The following LRCH1 variants were observed in gnomAD, a reference collection of about 807,000 sequenced individuals.
LRCH1 encodes leucine rich repeats and calponin homology domain containing 1, also known as leucine-rich repeat and calponin homology domain-containing protein 1.
In LRCH1, 23 loss-of-function variants were observed where a neutral mutation model predicts 94.9. The ratio of observed to expected loss-of-function variants is 0.24; its 90% confidence interval spans 0.17 to 0.34. LRCH1 has a LOEUF of 0.34. Among genes scored for constraint, LRCH1 ranks in the 10% least tolerant of loss-of-function variants. The pLI, the probability that LRCH1 is intolerant of heterozygous loss-of-function variation, is 1.00. For synonymous variants in LRCH1, 364 were observed against 354.9 expected (o/e 1.03, Z -0.29); for missense variants, 790 against 945.9 (o/e 0.84, Z 2.16).
intron 16 of LRCH1, among the ~76,000 whole-genome samples, chr13:46,720,335 C>T (rs1379531181): frequency 6.6e-6 from 1 of 152,072 alleles, no homozygotes; most frequent in African/African-American, 2.4e-5. Context: ...TGCAGCGAGC[C>T]GAGATCGCAC....
At chr13:46,705,381 A>G in intron 13 of LRCH1, 77 bp downstream of exon 13, 1 of 1,255,850 alleles carries the variant, frequency 8.0e-7, no homozygotes, top group South Asian at 1.2e-5. Context: ...TTCTGTAAAG[A>G]TTTGTCAGGG....
At chr13:46,720,944 T>C (rs1423167544) in intron 16 of LRCH1, among the ~76,000 whole-genome samples, 1 of 152,242 alleles carries the variant, frequency 6.6e-6, no homozygotes, top group Non-Finnish European at 1.5e-5. Flanking sequence ...TATGTATTTC[T>C]GATAATTTTA....
intron 1 of LRCH1, among the ~76,000 whole-genome samples, chr13:46,554,863 C>CCCTG (rs2050046758): frequency 6.6e-6 from 1 of 152,190 alleles, no homozygotes; most frequent in Non-Finnish European, 1.5e-5. Flanking sequence ...CGCCTCATGG[C>CCCTG]CCAGGGTCAG....
intron 2 of LRCH1, among the ~76,000 whole-genome samples, chr13:46,652,428 A>G (rs1387325720): frequency 2.0e-5 from 3 of 147,582 alleles, no homozygotes; most frequent in African/African-American, 7.5e-5. Flanking sequence ...AAAAAATCCT[A>G]GCAGGTTTTT....
intron 2 of LRCH1, among the ~76,000 whole-genome samples, chr13:46,660,484 A>G (rs2051433990): frequency 6.6e-6 from 1 of 152,190 alleles, no homozygotes; most frequent in Non-Finnish European, 1.5e-5. Flanking sequence ...GAAATTGGCT[A>G]GTCTTGTTAG....
At chr13:46,750,919 T>A (rs1874102708) in exon 19 of LRCH1, 1 of 280,448 alleles carries the variant, frequency 3.6e-6, no homozygotes, top group East Asian at 6.7e-5. Flanking sequence ...TTTTCCACCC[T>A]CCTTCATCCT....
chr13:46,679,628 T>C (rs1401039679), intron 3 of LRCH1, among the ~76,000 whole-genome samples: 2 of 152,208 alleles, frequency 1.3e-5, no homozygotes, highest in Admixed American at 1.3e-4. Flanking sequence ...CTCAAACTTG[T>C]GTGTGACTTT....
chr13:46,650,159 G>C (rs1167963204), intron 1 of LRCH1, 42 bp from the exon 2 acceptor site: 4 of 1,444,286 alleles, frequency 2.8e-6, no homozygotes, highest in Non-Finnish European at 3.8e-6. Flanking sequence ...TATTGATTTT[G>C]TTCAAATTTT....
intron 1 of LRCH1, among the ~76,000 whole-genome samples, chr13:46,602,530 T>G (rs1159557784): frequency 6.6e-6 from 1 of 152,156 alleles, no homozygotes. Flanking sequence ...ATTGGGGATT[T>G]AAAAAAACTC....
rs996744866 is a variant in LRCH1 at position 46,650,198 on chromosome 13, T to C, written c.308-3T>C. ...GAGAAAATATTCTCTCCTTTTCTTATAGACTTATCTAAAAACAGACTGGTT... is the reference window on the plus strand; with the variant it reads ...GAGAAAATATTCTCTCCTTTTCTTACAGACTTATCTAAAAACAGACTGGTT... On this transcript the variant is annotated splice_polypyrimidine_tract_variant and splice_region_variant and intron_variant, in intron 1 of 19. Transcript: ENST00000389797. 13 of 1,606,208 alleles carry C rather than the reference T, an allele frequency of 8.1e-6. No individual in the cohort carries two copies. The highest frequency in any genetic ancestry group is 8.5e-6 in the Non-Finnish European group (10 of 1,175,742).
intron 2 of LRCH1, among the ~76,000 whole-genome samples, chr13:46,661,960 T>G (rs2051454395): frequency 6.6e-6 from 1 of 152,122 alleles, no homozygotes; most frequent in African/African-American, 2.4e-5. Flanking sequence ...ATGCCTGTAA[T>G]CCCAGCACTT....
downstream of LRCH1, among the ~76,000 whole-genome samples, chr13:46,748,606 G>A (rs926704544): frequency 6.6e-5 from 10 of 152,126 alleles, no homozygotes; most frequent in Non-Finnish European, 1.5e-4. Flanking sequence ...GCCGCAAAAG[G>A]AGGCACCATT....
chr13:46,559,308 A>G (rs543544425), intron 1 of LRCH1, among the ~76,000 whole-genome samples: 1 of 152,338 alleles, frequency 6.6e-6, no homozygotes, highest in Admixed American at 6.5e-5. Context: ...AGTTTTTAAC[A>G]TACCTGTTGC....
At chr13:46,625,038 C>A (rs1367837171) in intron 1 of LRCH1, among the ~76,000 whole-genome samples, 2 of 152,222 alleles carry the variant, frequency 1.3e-5, no homozygotes, top group Admixed American at 1.3e-4. Context: ...TGCCATTATC[C>A]CTACTCTAGG....
At chr13:46,600,501 T>G (rs1000307105) in intron 1 of LRCH1, among the ~76,000 whole-genome samples, 11 of 152,216 alleles carry the variant, frequency 7.2e-5, no homozygotes, top group Admixed American at 1.3e-4. Flanking sequence ...TCCCTTTGGC[T>G]GCAGTTATTC....
In LRCH1 at chr13:46,553,393, G is replaced by A. The variant is rs2137883952; in HGVS notation, c.-4G>A. ...CGGGGCGGGGTGGGGGGGCCCGGGA[G>A]AAGATGGCGACGCCGGGAAGCGAAC... On this transcript the variant is annotated 5_prime_UTR_variant, in exon 1 of 20. Transcript: ENST00000389797. 2 of 1,531,954 alleles carry A rather than the reference G, an allele frequency of 1.3e-6. No individual in the cohort carries two copies. Among genetic ancestry groups the A allele is most frequent in the Non-Finnish European group, 1.8e-6 (2 of 1,142,526 alleles). 94.9% of individuals were successfully genotyped at this position (1,531,954 alleles called of 1,614,324 possible).
intron 2 of LRCH1, among the ~76,000 whole-genome samples, chr13:46,666,119 C>G (rs755285540): frequency 2.0e-5 from 3 of 152,130 alleles, no homozygotes; most frequent in Non-Finnish European, 4.4e-5. Context: ...TGTACGGTGA[C>G]TAAATTCTTA....
intron 1 of LRCH1, among the ~76,000 whole-genome samples, chr13:46,615,252 G>A (rs2050793369): frequency 1.3e-5 from 2 of 152,188 alleles, no homozygotes; most frequent in South Asian, 4.1e-4. Flanking sequence ...TGAGGCCTAG[G>A]AACCTTGTAA....
chr13:46,646,863 A>G (rs1174947770), intron 1 of LRCH1, among the ~76,000 whole-genome samples: 1 of 152,140 alleles, frequency 6.6e-6, no homozygotes, highest in Admixed American at 6.5e-5. Context: ...CTGTAATCCC[A>G]GCACTTTGGG....
Sources: allele counts gnomAD v4.1 joint callset (sites outside exome capture counted in the v4.1 genomes callset), GRCh38; gene constraint gnomAD v4.1.1; transcripts MANE v1.5; gene names NCBI Gene and HGNC (gene_info 2026-07-23, HGNC 2026-07-21).